GSG1L: variants seen among roughly 807,000 people sequenced by gnomAD.
GSG1L encodes germ cell-specific gene 1-like protein.
A neutral mutation model predicts 42.1 loss-of-function variants in GSG1L; 24 were observed. The ratio of observed to expected loss-of-function variants is 0.57; its 90% CI spans 0.41 to 0.80. The LOEUF (loss-of-function observed/expected upper bound fraction) is 0.80, where lower values mean the gene tolerates loss of function less well. Ranked by LOEUF, GSG1L falls within the 30% of genes least tolerant of loss-of-function variation. GSG1L has a pLI of 0.00. For synonymous variants in GSG1L, 215 were observed against 203.5 expected (o/e 1.06, Z -0.48); for missense variants, 445 against 472.2 (o/e 0.94, Z 0.53).
At chr16:27,818,881 G>A (rs557141534) in intron 5 of GSG1L, among the ~76,000 whole-genome samples, 10 of 152,126 alleles carry the variant, frequency 6.6e-5, no homozygotes, top group Admixed American at 5.2e-4. Flanking sequence ...AAAGCCATGC[G>A]CATGTCAGTG....
At chr16:27,840,666 C>T (rs2083370347) in intron 4 of GSG1L, among the ~76,000 whole-genome samples, 1 of 152,204 alleles carries the variant, frequency 6.6e-6, no homozygotes, top group South Asian at 2.1e-4. Context: ...CCCCTTGAAG[C>T]TGGCCCTGTC....
chr16:28,011,284 A>G (rs1435286828), intron 1 of GSG1L, among the ~76,000 whole-genome samples: 1 of 152,228 alleles, frequency 6.6e-6, no homozygotes, highest in East Asian at 1.9e-4. Context: ...ACTGCCCGAG[A>G]GAGCCTCCCA....
chr16:27,806,128 T>A (rs1003488627), intron 6 of GSG1L, among the ~76,000 whole-genome samples: 10 of 152,058 alleles, frequency 6.6e-5, no homozygotes, highest in African/African-American at 2.4e-4. Flanking sequence ...TCCAAACACA[T>A]CCATCCCCTG....
intron 2 of GSG1L, among the ~76,000 whole-genome samples, chr16:27,947,565 G>GAAAGAAAGAAAGAA (rs2084895355): frequency 1.2e-5 from 1 of 86,756 alleles, no homozygotes; most frequent in East Asian, 2.6e-4. Flanking sequence ...AAGAAAGAAA[G>GAAAGAAAGAAAGAA]AAAGAAAGAA....
intron 2 of GSG1L, among the ~76,000 whole-genome samples, chr16:27,953,665 G>T (rs2084975183): frequency 6.6e-6 from 1 of 152,148 alleles, no homozygotes; most frequent in Admixed American, 6.5e-5. Context: ...GATCACTTGA[G>T]GTCAGGAGTT....
At chr16:28,006,433 C>T (rs1438526357) in intron 1 of GSG1L, among the ~76,000 whole-genome samples, 3 of 151,982 alleles carry the variant, frequency 2.0e-5, no homozygotes, top group South Asian at 2.1e-4. Flanking sequence ...CTCAGCCTCC[C>T]GAGTGACTGT....
chr16:28,033,645 C>T (rs2085992872), intron 1 of GSG1L, among the ~76,000 whole-genome samples: 1 of 152,062 alleles, frequency 6.6e-6, no homozygotes, highest in South Asian at 2.1e-4. Context: ...ATAAATTGTT[C>T]TGTTCAAGAA....
chr16:27,824,092 C>G (rs1428408210), intron 5 of GSG1L, among the ~76,000 whole-genome samples: 1 of 152,222 alleles, frequency 6.6e-6, no homozygotes, highest in African/African-American at 2.4e-5. Context: ...CATGACCAAG[C>G]TCATGCTTCA....
intron 3 of GSG1L, among the ~76,000 whole-genome samples, chr16:27,873,262 ACTT>A (rs1246207634): frequency 3.3e-5 from 5 of 152,192 alleles, no homozygotes; most frequent in Non-Finnish European, 7.3e-5. Flanking sequence ...CTTGGCCTGA[ACTT>A]CTTTGGAACA....
intron 6 of GSG1L, among the ~76,000 whole-genome samples, chr16:27,806,827 A>G (rs2082968958): frequency 6.6e-6 from 1 of 152,180 alleles, no homozygotes; most frequent in African/African-American, 2.4e-5. Flanking sequence ...CCTCATATGC[A>G]AAGTCTAGGC....
chr16:27,953,295 G>T (rs915129301), intron 2 of GSG1L, among the ~76,000 whole-genome samples: 8 of 152,114 alleles, frequency 5.3e-5, no homozygotes, highest in Admixed American at 2.0e-4. Context: ...TTGCTGTTTT[G>T]CCCAGCCTGG....
At chr16:28,014,573 A>G (rs992081112) in intron 1 of GSG1L, among the ~76,000 whole-genome samples, 2 of 151,936 alleles carry the variant, frequency 1.3e-5, no homozygotes, top group African/African-American at 4.8e-5. Context: ...GGGCAATCAA[A>G]GCTCTCTGTA....
At position 27,882,900 on chromosome 16, in the gene GSG1L, G is replaced by A. The variant is rs141968416; in HGVS notation, c.550+1586C>T. 2.5e-3 allele frequency among the ~76,000 whole-genome samples: 378 copies of A among 152,264 alleles called. 3 individuals carry two copies. Among genetic ancestry groups the A allele is most frequent in the Middle Eastern group, 0.01 (3 of 294 alleles). On this transcript the variant is annotated intron_variant, in intron 3 of 6. Coordinates refer to ENST00000447459, the MANE Select transcript of GSG1L (RefSeq NM_001109763.2). ...GCAGGAGGATTACTTGAGCCCAGGA[G>A]TTGGAGGCTAGCCTTGGCAACATAG...
intron 3 of GSG1L, among the ~76,000 whole-genome samples, chr16:27,879,093 G>A (rs1019359039): frequency 1.3e-5 from 2 of 152,164 alleles, no homozygotes; most frequent in Non-Finnish European, 2.9e-5. Flanking sequence ...ATGGGACTGA[G>A]TGGACCAAGG....
intron 1 of GSG1L, among the ~76,000 whole-genome samples, chr16:28,044,583 C>T (rs910466179): frequency 1.3e-5 from 2 of 149,860 alleles, no homozygotes; most frequent in African/African-American, 4.9e-5. Context: ...TACAAAGAAA[C>T]AAGCTATCAA....
chr16:28,016,911 A>G (rs8050028), intron 1 of GSG1L, among the ~76,000 whole-genome samples: 10,763 of 152,224 alleles, frequency 0.071, 1,267 homozygotes, highest in African/African-American at 0.24. Context: ...TGTCCACAGC[A>G]TGCTCATCTC....
intron 2 of GSG1L, among the ~76,000 whole-genome samples, chr16:27,898,491 G>A (rs1452627108): frequency 1.3e-5 from 2 of 152,000 alleles, no homozygotes; most frequent in African/African-American, 2.4e-5. Context: ...CTCAAAGACA[G>A]GTTTTTGAGA....
rs943538013 is a variant in GSG1L, at chr16:28,014,776, G to A, written c.349+48300C>T. On this transcript the variant is annotated intron_variant, in intron 1 of 6. Coordinates refer to ENST00000447459, the MANE Select transcript of GSG1L (RefSeq NM_001109763.2). Reference sequence around the variant, plus strand: ...AGCCTTCCAAAGTGCTGGGATTACAGGCATTAACCACCGTGCCAGCCTCAT... The same window carrying A: ...AGCCTTCCAAAGTGCTGGGATTACAAGCATTAACCACCGTGCCAGCCTCAT... 2.6e-5 allele frequency among the ~76,000 whole-genome samples: 4 copies of A among 151,150 alleles called. No homozygotes were observed. In the East Asian group the frequency reaches 7.8e-4, roughly 30 times the overall value.
intron 3 of GSG1L, among the ~76,000 whole-genome samples, chr16:27,849,203 GA>G (rs1203275567): frequency 1.3e-3 from 101 of 79,952 alleles, no homozygotes; most frequent in East Asian, 4.4e-3. Flanking sequence ...ATCCCAAAAA[GA>G]AAAAAAAAAA....
Sources: gnomAD v4.1 joint callset for allele counts (sites outside exome capture counted in the v4.1 genomes callset) on GRCh38, gnomAD v4.1.1 for gene constraint, MANE v1.5 for transcripts, NCBI Gene and HGNC (gene_info 2026-07-23, HGNC 2026-07-21) for gene names.